Variants in RGS6 observed in about 807,000 individuals in gnomAD.
RGS6 encodes the protein regulator of G-protein signaling 6.
In RGS6, 30 loss-of-function variants were observed where a neutral mutation model predicts 78.5. The ratio of observed to expected loss-of-function variants is 0.38; its 90% CI spans 0.29 to 0.52. The LOEUF is 0.52. Ranked by LOEUF, RGS6 falls within the 20% of genes least tolerant of loss-of-function variation. The probability of loss-of-function intolerance (pLI) is 0.85; values close to 1 mark genes in which losing one functional copy is unlikely to be tolerated. For missense variants in RGS6, 495 were observed against 609.7 expected (o/e 0.81, Z 1.98); for synonymous variants, 206 against 206.0 (o/e 1.00, Z 0.00).
chr14:72,143,075 A>G (rs536708032), intron 2 of RGS6, among the ~76,000 whole-genome samples: 7 of 152,284 alleles, frequency 4.6e-5, no homozygotes, highest in African/African-American at 1.7e-4. Context: ...TCCTGGATAA[A>G]GAAGACAACT....
At chr14:71,919,231 T>C in the RGS6 span, among the ~76,000 whole-genome samples, 1 of 152,152 alleles carries the variant, frequency 6.6e-6, no homozygotes, top group African/African-American at 2.4e-5. Flanking sequence ...CTTTGGCTTG[T>C]GCATAGTTTT....
chr14:72,100,277 G>T (rs1048536462), intron 2 of RGS6, among the ~76,000 whole-genome samples: 5 of 152,126 alleles, frequency 3.3e-5, no homozygotes, highest in African/African-American at 1.2e-4. Flanking sequence ...GGCTTAGGTG[G>T]CCAGATCACT....
chr14:72,398,364 G>A (rs1304484923), intron 3 of RGS6, among the ~76,000 whole-genome samples: 5 of 152,090 alleles, frequency 3.3e-5, no homozygotes, highest in Non-Finnish European at 5.9e-5. Context: ...ATTCTCTGAT[G>A]GTAGTTTGTA....
At chr14:71,872,761 T>G in the RGS6 span, among the ~76,000 whole-genome samples, 2 of 152,192 alleles carry the variant, frequency 1.3e-5, no homozygotes, top group African/African-American at 4.8e-5. Flanking sequence ...GTCATTTACA[T>G]TGGGTATATC....
chr14:72,161,251 A>C (rs994383312), intron 2 of RGS6, among the ~76,000 whole-genome samples: 7 of 152,168 alleles, frequency 4.6e-5, no homozygotes, highest in Non-Finnish European at 8.8e-5. Context: ...GGGGAGCTAC[A>C]GGAGGGATAG....
chr14:71,889,697 G>C, the RGS6 span, among the ~76,000 whole-genome samples: 1 of 152,116 alleles, frequency 6.6e-6, no homozygotes, highest in African/African-American at 2.4e-5. Context: ...TTGTTGTTTT[G>C]CCAAGTGATA....
At chr14:72,101,546 G>T (rs1226735803) in intron 2 of RGS6, among the ~76,000 whole-genome samples, 1 of 152,190 alleles carries the variant, frequency 6.6e-6, no homozygotes, top group African/African-American at 2.4e-5. Flanking sequence ...TTCTGCTTCT[G>T]AGGTCTCTCT....
At chr14:72,316,689 C>T (rs961306625) in intron 2 of RGS6, among the ~76,000 whole-genome samples, 7 of 152,260 alleles carry the variant, frequency 4.6e-5, no homozygotes, top group South Asian at 2.1e-4. Context: ...CAAATAGATT[C>T]CCTAGCCCTA....
intron 2 of RGS6, among the ~76,000 whole-genome samples, chr14:72,113,077 C>CACAT (rs1567229130): frequency 2.1e-5 from 3 of 142,174 alleles, no homozygotes; most frequent in Non-Finnish European, 3.2e-5. Context: ...CACACACACA[C>CACAT]GCATGCACGC....
intron 1 of RGS6, among the ~76,000 whole-genome samples, chr14:71,951,737 A>G (rs1156610139): frequency 6.6e-6 from 1 of 152,140 alleles, no homozygotes; most frequent in African/African-American, 2.4e-5. Flanking sequence ...ATTAATATGG[A>G]ATATCCCTTC....
chr14:72,559,936 A>C (rs1048432381), intron 17 of RGS6, among the ~76,000 whole-genome samples: 1 of 152,092 alleles, frequency 6.6e-6, no homozygotes, highest in Admixed American at 6.6e-5. Flanking sequence ...ATCCTCCAGA[A>C]ATAGAATCTC....
the RGS6 span, among the ~76,000 whole-genome samples, chr14:71,905,593 C>G: frequency 6.6e-6 from 1 of 152,112 alleles, no homozygotes; most frequent in Non-Finnish European, 1.5e-5. Context: ...TGGGTTCAAG[C>G]AATTCTGTGC....
intron 15 of RGS6, among the ~76,000 whole-genome samples, chr14:72,527,509 T>A (rs557139871): frequency 1.3e-5 from 2 of 152,358 alleles, no homozygotes; most frequent in African/African-American, 4.8e-5. Flanking sequence ...ACCTAAGCAC[T>A]ACTTCAGAGC....
At chr14:72,219,245 A>ACCACAAATGATCTCCAAAGTG (rs2046317440) in intron 2 of RGS6, among the ~76,000 whole-genome samples, 1 of 152,092 alleles carries the variant, frequency 6.6e-6, no homozygotes, top group Admixed American at 6.5e-5. Flanking sequence ...ACCATGAATG[A>ACCACAAATGATCTCCAAAGTG]CCACAAATGA....
At chr14:72,149,595 T>A (rs933784441) in intron 2 of RGS6, among the ~76,000 whole-genome samples, 1 of 152,140 alleles carries the variant, frequency 6.6e-6, no homozygotes, top group Non-Finnish European at 1.5e-5. Flanking sequence ...GAGCCCAAAT[T>A]TCCTGAAACC....
Position 72,562,610 on chromosome 14 carries a change from G to A in RGS6, c.*143G>A. The A allele has an allele frequency of 3.9e-6, 6 of 1,535,148 alleles. No individual in the cohort carries two copies. In the South Asian group the frequency reaches 4.7e-5, roughly 12 times the overall value. On this transcript the variant is annotated 3_prime_UTR_variant, in exon 18 of 18. Transcript: ENST00000553525. ...AGTGAGGGCAATGAAGGGCGATGGT[G>A]GGGAGACTCGGTGGGTGAATGGGGA...
At chr14:72,032,376 T>C (rs1330827623) in intron 2 of RGS6, among the ~76,000 whole-genome samples, 3 of 152,206 alleles carry the variant, frequency 2.0e-5, no homozygotes, top group Non-Finnish European at 4.4e-5. Context: ...AAATAAATAA[T>C]ATCTCAATAT....
chr14:71,966,704 T>G (rs2093541198), intron 2 of RGS6, among the ~76,000 whole-genome samples: 1 of 152,230 alleles, frequency 6.6e-6, no homozygotes, highest in South Asian at 2.1e-4. Context: ...GAATGAGGCA[T>G]CTTATATCCT....
intron 2 of RGS6, among the ~76,000 whole-genome samples, chr14:72,112,075 C>G (rs1003572471): frequency 1.3e-5 from 2 of 152,162 alleles, no homozygotes; most frequent in Non-Finnish European, 2.9e-5. Flanking sequence ...CAATATGGCT[C>G]TAAAATGTAC....
Sources: allele counts gnomAD v4.1 joint callset (sites outside exome capture counted in the v4.1 genomes callset), GRCh38; gene constraint gnomAD v4.1.1; transcripts MANE v1.5; gene names NCBI Gene and HGNC (gene_info 2026-07-23, HGNC 2026-07-21).